XPOT: variants seen among roughly 807,000 people sequenced by gnomAD.
XPOT encodes the protein exportin-T.
In XPOT, 34 loss-of-function variants were observed where a neutral mutation model predicts 128.2. That is an observed-to-expected ratio of 0.27 (90% CI 0.20 to 0.35). XPOT has a LOEUF of 0.35. Among genes scored for constraint, XPOT ranks in the 10% least tolerant of loss-of-function variants. The pLI, the probability that XPOT is intolerant of heterozygous loss-of-function variation, is 1.00. For synonymous variants in XPOT, 348 were observed against 394.3 expected (o/e 0.88, Z 1.39); for missense variants, 838 against 1,125.3 (o/e 0.74, Z 3.65).
Position 64,433,494 on chromosome 12 carries a change from A to C in XPOT, c.2343A>C (p.Glu781Asp), listed in dbSNP as rs752789016. ...AIFEVLLRPA[E>D]ENDQSAALEK... ...TTGAAGTGCTGCTCCGGCCAGCAGA[A>C]GAAAATGACCAGTCTGCTGCTTTAG... is the stretch of plus-strand genomic sequence containing the variant. Residue 781 changes from glutamate (E) to aspartate (D), a missense_variant, in exon 19 of 25, where the codon GAA becomes GAC. Around this residue, in one of 3 missense-constraint regions of XPOT, gnomAD observed 761 missense variants for 988.3 expected, o/e 0.77. Coordinates refer to ENST00000332707, the MANE Select transcript of XPOT (RefSeq NM_007235.6). 1.9e-6 allele frequency: 3 copies of C among 1,612,092 alleles called. No homozygotes were observed. In the South Asian group the frequency reaches 3.3e-5, roughly 18 times the overall value.
intron 3 of XPOT, 85 bp from the exon 4 acceptor site, chr12:64,416,613 C>A: frequency 9.3e-7 from 1 of 1,069,780 alleles, no homozygotes; most frequent in East Asian, 2.4e-5. Flanking sequence ...AACTTTTCTG[C>A]TGTATTACTC....
intron 23 of XPOT, chr12:64,442,600 GGTA>G (rs2040334812): frequency 6.6e-6 from 1 of 152,342 alleles, no homozygotes; most frequent in Non-Finnish European, 1.5e-5. Flanking sequence ...TAACTTCACA[GGTA>G]GATTCCCATC....
At chr12:64,406,892 C>T (rs908296768) in intron 1 of XPOT, among the ~76,000 whole-genome samples, 8 of 152,058 alleles carry the variant, frequency 5.3e-5, no homozygotes, top group Admixed American at 1.3e-4. Flanking sequence ...TAAGAATGCC[C>T]CAAGTCGTTT....
intron 22 of XPOT, 120 bp downstream of exon 22, chr12:64,435,794 AAGGGGATG>A: frequency 1.1e-6 from 1 of 932,004 alleles, no homozygotes; most frequent in Non-Finnish European, 1.5e-6. Flanking sequence ...GATGTGGGGA[AAGGGGATG>A]AATGAAAGTA....
intron 18 of XPOT, among the ~76,000 whole-genome samples, chr12:64,432,235 C>T (rs2040245598): frequency 6.6e-6 from 1 of 151,830 alleles, no homozygotes. Context: ...CATAGTACCT[C>T]TTTTTTCCTT....
intron 3 of XPOT, among the ~76,000 whole-genome samples, chr12:64,416,125 A>G (rs1257943262): frequency 6.6e-6 from 1 of 152,222 alleles, no homozygotes; most frequent in Non-Finnish European, 1.5e-5. Flanking sequence ...GAAGTGGGTA[A>G]TTGGTGTGTT....
intron 1 of XPOT, among the ~76,000 whole-genome samples, chr12:64,406,317 G>T (rs1452192581): frequency 6.6e-6 from 1 of 150,418 alleles, no homozygotes. Flanking sequence ...CTCGTGATCC[G>T]CCCACCTCGG....
chr12:64,430,015 A>T (rs758260877), intron 16 of XPOT, 34 bp from the exon 17 acceptor site: 1 of 1,516,290 alleles, frequency 6.6e-7, no homozygotes, highest in Admixed American at 2.3e-5. Context: ...AACTCAAAAA[A>T]TAAAAGCTTT....
At chr12:64,430,389 C>A (rs933142381) in intron 17 of XPOT, 102 bp downstream of exon 17, 2 of 970,204 alleles carry the variant, frequency 2.1e-6, no homozygotes, top group African/African-American at 1.6e-5. Flanking sequence ...GTTGGATAAT[C>A]CAGAGAATTG....
chr12:64,418,812 A>G, intron 5 of XPOT, 64 bp from the exon 6 acceptor site: 1 of 1,491,032 alleles, frequency 6.7e-7, no homozygotes, highest in South Asian at 1.2e-5. Context: ...TTAATAAGAC[A>G]ACTGGTGTTT....
At chr12:64,413,880 C>T (rs1004703828) in intron 2 of XPOT, among the ~76,000 whole-genome samples, 1 of 152,168 alleles carries the variant, frequency 6.6e-6, no homozygotes, top group Non-Finnish European at 1.5e-5. Context: ...AATTATTGTT[C>T]AGGACCCATA....
chr12:64,433,244 C>A (rs1282089082), intron 18 of XPOT, among the ~76,000 whole-genome samples, 170 bp from the exon 19 acceptor site: 1 of 152,164 alleles, frequency 6.6e-6, no homozygotes, highest in Non-Finnish European at 1.5e-5. Flanking sequence ...CTGCGTCTGG[C>A]CTAGTAATGT....
intron 1 of XPOT, among the ~76,000 whole-genome samples, chr12:64,405,723 A>T (rs2039974388): frequency 6.6e-6 from 1 of 151,946 alleles, no homozygotes; most frequent in Admixed American, 6.6e-5. Context: ...GGTTCAAGTG[A>T]TTCTGCAGCC....
intron 2 of XPOT, among the ~76,000 whole-genome samples, chr12:64,414,071 A>G (rs1191235682): frequency 6.6e-6 from 1 of 152,226 alleles, no homozygotes; most frequent in Non-Finnish European, 1.5e-5. Context: ...TATTGGAGAT[A>G]CTTGTCACAA....
intron 22 of XPOT, among the ~76,000 whole-genome samples, chr12:64,438,822 G>T (rs529656561): frequency 6.6e-6 from 1 of 152,078 alleles, no homozygotes; most frequent in East Asian, 1.9e-4. Context: ...TAGAAACAGG[G>T]TTTCACCATG....
intron 18 of XPOT, 147 bp from the exon 19 acceptor site, chr12:64,433,267 G>A (rs911511268): frequency 5.1e-6 from 4 of 781,114 alleles, no homozygotes; most frequent in Non-Finnish European, 7.7e-6. Flanking sequence ...AGGTTATATA[G>A]ATTTTATCTT....
In XPOT at chr12:64,445,189, G is replaced by A. The variant is rs1438919080; in HGVS notation, c.2862+58G>A. ...CAATTAGGTAATGTTTGAGAGCCAA[G>A]AGAGAATACATACCTGCAATTATAG... On this transcript the variant is annotated intron_variant, in intron 24 of 24. Transcript: ENST00000332707. 6 of 1,309,612 alleles carry A rather than the reference G, an allele frequency of 4.6e-6. No individual in the cohort carries two copies. In the East Asian group the frequency reaches 1.4e-4, roughly 30 times the overall value. The allele number at this position is 1,309,612 out of a possible 1,614,324, so 81.1% of individuals were successfully genotyped here.
At chr12:64,409,483 C>T (rs898702839) in intron 1 of XPOT, among the ~76,000 whole-genome samples, 1 of 152,034 alleles carries the variant, frequency 6.6e-6, no homozygotes, top group Admixed American at 6.5e-5. Flanking sequence ...TGCCTGTAAT[C>T]CCAGCACTTT....
intron 11 of XPOT, among the ~76,000 whole-genome samples, chr12:64,424,098 A>G (rs2040168388): frequency 6.6e-6 from 1 of 152,206 alleles, no homozygotes; most frequent in Non-Finnish European, 1.5e-5. Context: ...TGACCAACAC[A>G]CTGCGCACCT....
Sources: gnomAD v4.1 joint callset for allele counts (sites outside exome capture counted in the v4.1 genomes callset) on GRCh38, gnomAD v4.1.1 for gene constraint, gnomAD v4.1.1 regional missense constraint, MANE v1.5 for transcripts, NCBI Gene and HGNC (gene_info 2026-07-23, HGNC 2026-07-21) for gene names.